FAM229A: variants seen among roughly 807,000 people sequenced by gnomAD.
The protein encoded by FAM229A is protein FAM229A.
In FAM229A, 9 loss-of-function variants were observed where a neutral mutation model predicts 10.0. That is an observed-to-expected ratio of 0.90 (90% CI 0.54 to 1.56). The LOEUF is 1.56. Among genes scored for constraint, FAM229A ranks in the 40% most tolerant of loss-of-function variants. The pLI, the probability that FAM229A is intolerant of heterozygous loss-of-function variation, is 0.00. For synonymous variants in FAM229A, 93 were observed against 90.1 expected (o/e 1.03, Z -0.19); for missense variants, 196 against 197.6 (o/e 0.99, Z 0.05).
Position 32,362,147 on chromosome 1 carries a change from A to G in FAM229A, c.-56T>C. 2 of 1,309,576 alleles carry G rather than the reference A, an allele frequency of 1.5e-6. No homozygotes were observed. The highest frequency in any genetic ancestry group is 1.9e-6 in the Non-Finnish European group (2 of 1,030,160). 81.1% of individuals were successfully genotyped at this position (1,309,576 alleles called of 1,614,324 possible). ...CAGAGCACGTTCCTCCCACTGGAGA[A>G]CCCCCAACGGTGCCCCCTGCCGCCC... On this transcript the variant is annotated 5_prime_UTR_variant, in exon 1 of 3. Coordinates refer to ENST00000432622, the MANE Select transcript of FAM229A (RefSeq NM_001167676.2).
Position 32,361,967 on chromosome 1 carries a change from G to C in FAM229A, c.125C>G (p.Thr42Ser), listed in dbSNP as rs757132759. 1 of 1,478,560 alleles carries C rather than the reference G, an allele frequency of 6.8e-7. No individual in the cohort carries two copies. Among genetic ancestry groups the C allele is most frequent in the African/African-American group, 1.5e-5 (1 of 68,194 alleles). 91.6% of individuals were successfully genotyped at this position (1,478,560 alleles called of 1,614,324 possible). A position where few individuals can be genotyped will look rare whatever the true frequency, so the allele number is the denominator to read the frequency against. The change falls in exon 1 of 3, where the codon ACC (threonine) becomes AGC (serine). Residue 42 changes from threonine (T) to serine (S), a missense_variant. By Grantham distance (58) the Thr-to-Ser change is moderately conservative. Coordinates refer to ENST00000432622, the MANE Select transcript of FAM229A (RefSeq NM_001167676.2). Reference protein sequence around the residue: ...AAASSLGPVSTAGRAPRGLDM... With the variant: ...AAASSLGPVSSAGRAPRGLDM... Reference sequence around the variant, plus strand: ...CTGGGCCGTCGCTCACCTCCCGGCGGTTGAGACCGGTCCCAGGCTAGAAGC... The same window carrying C: ...CTGGGCCGTCGCTCACCTCCCGGCGCTTGAGACCGGTCCCAGGCTAGAAGC...
At chr1:32,361,621 C>T (rs1006654552) in intron 2 of FAM229A, 86 bp from the exon 3 acceptor site, 299 of 1,250,216 alleles carry the variant, frequency 2.4e-4, no homozygotes, top group Non-Finnish European at 2.8e-4. Flanking sequence ...CACCTGGGGT[C>T]CCCGGGGGTC....
intron 2 of FAM229A, 97 bp downstream of exon 2, chr1:32,361,633 G>A (rs1641703719): frequency 4.0e-6 from 5 of 1,251,960 alleles, no homozygotes; most frequent in Non-Finnish European, 3.0e-6. Context: ...CCGGGGGTCC[G>A]GACGTGGATG....
Position 32,362,027 on chromosome 1 carries a change from G to A in FAM229A, c.65C>T (p.Pro22Leu). 1 of 1,482,736 alleles carries A rather than the reference G, an allele frequency of 6.7e-7. No homozygotes were observed. Among genetic ancestry groups the A allele is most frequent in the Non-Finnish European group, 8.9e-7 (1 of 1,123,840 alleles). The allele number at this position is 1,482,736 out of a possible 1,614,324, so 91.8% of individuals were successfully genotyped here. ...AGCCCTGGCCGCGGGAGAACGCTCC[G>A]GTCCAGGCGGAGCCGGGCAGGTCTC... ...ATETCPAPPG[P>L]ERSPAARAPA... Residue 22 changes from proline to leucine, a missense_variant, in exon 1 of 3, where the codon CCG (proline) becomes CTG (leucine). Physicochemically the swap from Pro to Leu is moderately conservative, Grantham distance 98. Coordinates refer to ENST00000432622, the MANE Select transcript of FAM229A (RefSeq NM_001167676.2).
At chr1:32,361,653 G>T in intron 2 of FAM229A, 77 bp downstream of exon 2, 1 of 1,262,428 alleles carries the variant, frequency 7.9e-7, no homozygotes, top group South Asian at 2.4e-5. Flanking sequence ...GCGGGGTCCT[G>T]ACTGCTGGGG....
rs1641706671 is a variant in FAM229A, at chr1:32,361,791, C to T, written c.220G>A (p.Ala74Thr). The change falls in exon 2 of 3, where the codon GCC becomes ACC. Residue 74 changes from alanine (A) to threonine (T), a missense_variant. Transcript: ENST00000432622. ...CTGTCCTGGGACTCGGGGGCGGCGG[C>T]AAGGCCACGGGAGTCTCCGGCCTCA... ...PIEAGDSRGL[A>T]AAPESQDSPE... 2 of 1,323,230 alleles carry T rather than the reference C, an allele frequency of 1.5e-6. No individual in the cohort carries two copies. The highest frequency in any genetic ancestry group is 4.0e-5 in the South Asian group (2 of 49,430). 82.0% of individuals were successfully genotyped at this position (1,323,230 alleles called of 1,614,324 possible). A position where few individuals can be genotyped will look rare whatever the true frequency, so the allele number is the denominator to read the frequency against.
chr1:32,361,725 C>T lies in FAM229A; in HGVS notation c.281+5G>A, dbSNP rs1641705280. On this transcript the variant is annotated splice_donor_5th_base_variant and intron_variant, in intron 2 of 2. Transcript: ENST00000432622. The stretch of plus-strand genomic sequence containing the variant: ...GCGGAGGCGGGGGTGGGGCGCGGGC[C>T]TTACCTGACCGGGTTGTGCTCCGTC... 2.3e-6 allele frequency: 3 copies of T among 1,312,734 alleles called. No homozygotes were observed. Among genetic ancestry groups the T allele is most frequent in the South Asian group, 4.2e-5 (2 of 47,238 alleles). 81.3% of individuals were successfully genotyped at this position (1,312,734 alleles called of 1,614,324 possible). A position where few individuals can be genotyped will look rare whatever the true frequency, so the allele number is the denominator to read the frequency against.
rs541541046 is a variant in FAM229A, at chr1:32,361,648, G to A, written c.281+82C>T. ...CCGGGGGTCCGGACGTGGATGCGGGGTCCTGACTGCTGGGGGCGCCAAGTG... is the reference window on the plus strand; with the variant it reads ...CCGGGGGTCCGGACGTGGATGCGGGATCCTGACTGCTGGGGGCGCCAAGTG... On this transcript the variant is annotated intron_variant, in intron 2 of 2. Transcript: ENST00000432622. 5,791 of 1,257,518 alleles carry A rather than the reference G, an allele frequency of 4.6e-3. 37 individuals carry two copies. The highest frequency in any genetic ancestry group is 0.024 in the South Asian group (1,002 of 41,200). The allele number at this position is 1,257,518 out of a possible 1,614,324, so 77.9% of individuals were successfully genotyped here.
At position 32,361,880 on chromosome 1, in the gene FAM229A, C is replaced by T. The variant is rs1355171858; in HGVS notation, c.135-4G>A. On this transcript the variant is annotated splice_region_variant and splice_polypyrimidine_tract_variant and intron_variant, in intron 1 of 2. Transcript: ENST00000432622. ...CATGTCCAAGCCCCGGGGCGCTCTG[C>T]GCGGGGAGTGGCGGTCAGGCCTCTC... 4 of 1,343,878 alleles carry T rather than the reference C, an allele frequency of 3.0e-6. No individual in the cohort carries two copies. The highest frequency in any genetic ancestry group is 3.8e-6 in the Non-Finnish European group (4 of 1,052,178). The allele number at this position is 1,343,878 out of a possible 1,614,324, so 83.2% of individuals were successfully genotyped here.
Position 32,361,482 on chromosome 1 carries a change from A to T in FAM229A, c.335T>A (p.Ile112Asn), listed in dbSNP as rs1274094420. ...CCCGCCCATGGCGAGGTAGACGTCGATGGGCACGTGCAGCAGCGTCAGGCA... is the reference window on the plus strand; with the variant it reads ...CCCGCCCATGGCGAGGTAGACGTCGTTGGGCACGTGCAGCAGCGTCAGGCA... ...CHCLTLLHVPIDVYLAMGGSP... is the reference protein window; with the variant it reads ...CHCLTLLHVPNDVYLAMGGSP... The change falls in exon 3 of 3, where the codon ATC (isoleucine) becomes AAC (asparagine). Residue 112 changes from isoleucine (I) to asparagine (N), a missense_variant. Physicochemically the swap from Ile to Asn is moderately radical, Grantham distance 149. Coordinates refer to ENST00000432622, the MANE Select transcript of FAM229A (RefSeq NM_001167676.2). 1.3e-5 allele frequency: 18 copies of T among 1,380,776 alleles called. No individual in the cohort carries two copies. The highest frequency in any genetic ancestry group is 1.5e-5 in the Non-Finnish European group (16 of 1,065,398). The allele number at this position is 1,380,776 out of a possible 1,614,324, so 85.5% of individuals were successfully genotyped here.
rs1446461839 is a variant in FAM229A, at chr1:32,362,062, CCCGGGCCCGGG to C, written c.19_29del (p.Pro7AlafsTer26). The C allele has an allele frequency of 2.1e-6, 3 of 1,433,412 alleles. No homozygotes were observed. The highest frequency in any genetic ancestry group is 1.5e-5 in the African/African-American group (1 of 66,670). 88.8% of individuals were successfully genotyped at this position (1,433,412 alleles called of 1,614,324 possible). A position where few individuals can be genotyped will look rare whatever the true frequency, so the allele number is the denominator to read the frequency against. Reference sequence around the variant, plus strand: ...GAGCCGGGCAGGTCTCTGTGGCGTGCCCGGGCCCGGGCGTCGAGGAGGGCAGCATTGTGACC... The same window carrying C: ...GAGCCGGGCAGGTCTCTGTGGCGTGCCGTCGAGGAGGGCAGCATTGTGACC... On this transcript the variant is annotated frameshift_variant, in exon 1 of 3. Coordinates refer to ENST00000432622, the MANE Select transcript of FAM229A (RefSeq NM_001167676.2). LOFTEE classifies it high-confidence loss of function.
At position 32,361,434 on chromosome 1, in the gene FAM229A, C is replaced by CA; in HGVS notation, c.382dup (p.Ter128LeufsTer34). 7.5e-7 allele frequency: 1 copy of CA among 1,340,290 alleles called. No homozygotes were observed. The highest frequency in any genetic ancestry group is 1.8e-5 in the South Asian group (1 of 56,064). The allele number at this position is 1,340,290 out of a possible 1,614,324, so 83.0% of individuals were successfully genotyped here. A position where few individuals can be genotyped will look rare whatever the true frequency, so the allele number is the denominator to read the frequency against. On this transcript the variant is annotated frameshift_variant and stop_lost, in exon 3 of 3. Coordinates refer to ENST00000432622, the MANE Select transcript of FAM229A (RefSeq NM_001167676.2). LOFTEE classifies it high-confidence loss of function. ...CGGAGCCGCAGGGAGCAGGCGCACT[C>CA]ACGTGGCGCGGGCCCGGGGGCTCCC...
chr1:32,361,698 G>A (rs1015440975), intron 2 of FAM229A, 32 bp downstream of exon 2: 2 of 1,290,624 alleles, frequency 1.5e-6, no homozygotes, highest in African/African-American at 1.6e-5. Flanking sequence ...GCCGCGGGAC[G>A]GGCGGAGGCG....
chr1:32,361,556 CAG>C (rs1336473026), intron 2 of FAM229A, 21 bp from the exon 3 acceptor site: 4 of 1,326,512 alleles, frequency 3.0e-6, no homozygotes, highest in Non-Finnish European at 2.9e-6. Context: ...TGACGCGCGA[CAG>C]GGGCCGCTGA....
At position 32,361,510 on chromosome 1, in the gene FAM229A, G is replaced by A; in HGVS notation, c.307C>T (p.His103Tyr). The change falls in exon 3 of 3, where the codon CAC becomes TAC. Residue 103 changes from histidine to tyrosine, a missense_variant. Coordinates refer to ENST00000432622, the MANE Select transcript of FAM229A (RefSeq NM_001167676.2). ...GGCACGTGCAGCAGCGTCAGGCAGT[G>A]GCATCCAGGGCAGCGACGAAGCGGC... ...VRPLRRCPGCHCLTLLHVPID... is the reference protein window; with the variant it reads ...VRPLRRCPGCYCLTLLHVPID... 7.3e-7 allele frequency: 1 copy of A among 1,367,810 alleles called. No homozygotes were observed. The highest frequency in any genetic ancestry group is 9.4e-7 in the Non-Finnish European group (1 of 1,059,870). 84.7% of individuals were successfully genotyped at this position (1,367,810 alleles called of 1,614,324 possible). A position where few individuals can be genotyped will look rare whatever the true frequency, so the allele number is the denominator to read the frequency against.
chr1:32,362,222 G>T lies in FAM229A; in HGVS notation c.-131C>A. 1 of 1,214,602 alleles carries T rather than the reference G, an allele frequency of 8.2e-7. No individual in the cohort carries two copies. Among genetic ancestry groups the T allele is most frequent in the Non-Finnish European group, 1.0e-6 (1 of 958,228 alleles). The allele number at this position is 1,214,602 out of a possible 1,614,324, so 75.2% of individuals were successfully genotyped here. A position where few individuals can be genotyped will look rare whatever the true frequency, so the allele number is the denominator to read the frequency against. On this transcript the variant is annotated 5_prime_UTR_variant, in exon 1 of 3. Transcript: ENST00000432622. ...CGGGGACTGGAGGCCTCTGGCCATG[G>T]CGCCTGGAGACGGGGTCGCGCAGAC...
Position 32,361,407 on chromosome 1 carries a change from C to A in FAM229A, c.*26G>T. On this transcript the variant is annotated 3_prime_UTR_variant, in exon 3 of 3. Transcript: ENST00000432622. ...GGGGGCCTCGTTCCCGCCCAGCTCC[C>A]GCGGAGCCGCAGGGAGCAGGCGCAC... is the stretch of plus-strand genomic sequence containing the variant. The A allele has an allele frequency of 1.6e-6, 2 of 1,257,478 alleles. No homozygotes were observed. The highest frequency in any genetic ancestry group is 5.0e-5 in the South Asian group (2 of 39,622). 77.9% of individuals were successfully genotyped at this position (1,257,478 alleles called of 1,614,324 possible).
At chr1:32,361,576 G>A in intron 2 of FAM229A, 41 bp from the exon 3 acceptor site, 1 of 1,295,116 alleles carries the variant, frequency 7.7e-7, no homozygotes, top group Non-Finnish European at 9.8e-7. Flanking sequence ...TGAGGCAGGG[G>A]CTTGGCCCAT....
Position 32,362,360 on chromosome 1 carries a change from G to A in FAM229A, c.-269C>T. On this transcript the variant is annotated 5_prime_UTR_variant, in exon 1 of 3. Transcript: ENST00000432622. ...ACAGACGCGGCGGAGCGCCCTCCCA[G>A]GCGGGACTACAACTCAATGCCTGGC... 2.1e-6 allele frequency: 1 copy of A among 474,058 alleles called. No individual in the cohort carries two copies. Among genetic ancestry groups the A allele is most frequent in the Non-Finnish European group, 3.6e-6 (1 of 278,428 alleles). 29.4% of individuals were successfully genotyped at this position (474,058 alleles called of 1,614,324 possible).
Sources: allele counts gnomAD v4.1 joint callset, GRCh38; gene constraint gnomAD v4.1.1; transcripts MANE v1.5; gene names NCBI Gene and HGNC (gene_info 2026-07-23, HGNC 2026-07-21).